The following ING1 variants were observed in gnomAD, a reference collection of about 807,000 sequenced individuals.
ING1 encodes the protein inhibitor of growth protein 1.
A neutral mutation model predicts 23.1 loss-of-function variants in ING1; 4 were observed. The observed-to-expected ratio is 0.17, with a 90% CI of 0.09 to 0.40. The LOEUF is 0.40. Among genes scored for constraint, ING1 ranks in the 10% least tolerant of loss-of-function variants. The probability of loss-of-function intolerance (pLI) is 1.00; values close to 1 mark genes in which losing one functional copy is unlikely to be tolerated. For synonymous variants in ING1, 179 were observed against 166.4 expected, an observed-to-expected ratio of 1.08 and a Z score of -0.58; for missense variants, 256 against 393.8, an observed-to-expected ratio of 0.65 and a Z score of 2.96.
In ING1 at chr13:110,715,447, T is replaced by G. The variant is rs773646405; in HGVS notation, c.136+1162T>G. 1.9e-6 allele frequency: 3 copies of G among 1,586,944 alleles called. No individual in the cohort carries two copies. The Admixed American group carries it at 5.3e-5, about 28-fold the overall frequency. The stretch of plus-strand genomic sequence containing the variant: ...AGCCCCCCAGTAGTTGGCTGTGATG[T>G]CCTTCGTGGAATGTCCTTATCATTC... On this transcript the variant is annotated intron_variant, in intron 1 of 1. Transcript: ENST00000333219.
upstream of ING1, chr13:110,712,920 T>A (rs779707454): frequency 1.3e-6 from 2 of 1,553,640 alleles, no homozygotes; most frequent in Non-Finnish European, 8.7e-7. Context: ...CGGTGACGGA[T>A]GGCGCAGGCG....
At chr13:110,715,612 T>C (rs1396337325) in intron 1 of ING1, 1 of 1,614,072 alleles carries the variant, frequency 6.2e-7, no homozygotes, top group Non-Finnish European at 8.5e-7. Context: ...TTTGAACGTC[T>C]TCGGGTCGCT....
intron 1 of ING1, chr13:110,715,592 G>A (rs2064109407): frequency 6.2e-7 from 1 of 1,613,988 alleles, no homozygotes; most frequent in Non-Finnish European, 8.5e-7. Context: ...GTGGAGGGTG[G>A]ACGAGTTGAT....
At chr13:110,715,500 G>A (rs1443690050) in intron 1 of ING1, 1 of 1,613,516 alleles carries the variant, frequency 6.2e-7, no homozygotes, top group African/African-American at 1.3e-5. Context: ...TCGCTGAGGC[G>A]GATGAAGGCG....
At chr13:110,715,672 T>C (rs752048596) in intron 1 of ING1, 2 of 1,607,516 alleles carry the variant, frequency 1.2e-6, no homozygotes, top group Middle Eastern at 1.7e-4. Flanking sequence ...CGGGCCGTGC[T>C]CTTCCGCCCT....
In ING1 at chr13:110,719,671, G is replaced by A. The variant is rs767411112; in HGVS notation, c.579G>A (p.Lys193=). ...AGAAGAAGAAGCGCTCCAAGGCCAA[G>A]GCGGAGCGAGAGGCGTCCCCTGCCG... The part of the protein sequence containing the change: ...TSKKKKRSKA[K]AEREASPADL... Residue 193 remains lysine (K), a synonymous_variant, in exon 2 of 2, where the codon AAG becomes AAA. Coordinates refer to ENST00000333219, the MANE Select transcript of ING1 (RefSeq NM_198219.3). This position sits in a 1 kb window ranked among gnomAD's most constrained non-coding sequence, Gnocchi z 8.9. The A allele has an allele frequency of 1.2e-6, 2 of 1,613,880 alleles. No homozygotes were observed. Among genetic ancestry groups the A allele is most frequent in the Non-Finnish European group, 1.7e-6 (2 of 1,179,974 alleles).
chr13:110,723,179 G>A lies in ING1; in HGVS notation c.*3247G>A, dbSNP rs1459797841. On this transcript the variant is annotated 3_prime_UTR_variant, in exon 2 of 2. Coordinates refer to ENST00000333219, the MANE Select transcript of ING1 (RefSeq NM_198219.3). ...GGGACAGGCTCCCCAGGTGCTGAGAGAGGTGCTGCAGGAGTCACAGACCTG... is the reference window on the plus strand; with the variant it reads ...GGGACAGGCTCCCCAGGTGCTGAGAAAGGTGCTGCAGGAGTCACAGACCTG... 3 of 152,220 alleles carry A rather than the reference G, an allele frequency of 2.0e-5. No individual in the cohort carries two copies. The highest frequency in any genetic ancestry group is 6.5e-5 in the Admixed American group (1 of 15,282). The allele number at this position is 152,220 out of a possible 1,614,324, so 9.4% of individuals were successfully genotyped here.
rs1359189064 is a variant in ING1, at chr13:110,714,044, C to T, written c.-106C>T. The stretch of plus-strand genomic sequence containing the variant: ...GAAGCAGGAGCCGGCGGGGGGGCGC[C>T]GGGAGAGCGAGGGCTTTGCATTTTG... On this transcript the variant is annotated 5_prime_UTR_variant, in exon 1 of 2. Coordinates refer to ENST00000333219, the MANE Select transcript of ING1 (RefSeq NM_198219.3). The T allele has an allele frequency of 1.2e-5, 15 of 1,236,620 alleles. No individual in the cohort carries two copies. The highest frequency in any genetic ancestry group is 8.4e-5 in the Admixed American group (2 of 23,772). 76.6% of individuals were successfully genotyped at this position (1,236,620 alleles called of 1,614,324 possible).
chr13:110,716,622 G>A (rs1333855517), intron 1 of ING1, among the ~76,000 whole-genome samples: 1 of 151,956 alleles, frequency 6.6e-6, no homozygotes, highest in Non-Finnish European at 1.5e-5. Flanking sequence ...CCACCCCCTG[G>A]GAAGTTCGCT....
upstream of ING1, chr13:110,712,888 G>T: frequency 1.4e-6 from 2 of 1,430,564 alleles, no homozygotes; most frequent in Non-Finnish European, 9.6e-7. Context: ...ACTGAGTACC[G>T]GGAGACGACA....
intron 1 of ING1, among the ~76,000 whole-genome samples, chr13:110,714,796 T>C (rs994610159): frequency 2.0e-5 from 3 of 152,206 alleles, no homozygotes; most frequent in Non-Finnish European, 4.4e-5. Context: ...ATCTGAGTGT[T>C]ACATAAAGTA....
chr13:110,717,132 A>T (rs1445616629), intron 1 of ING1, among the ~76,000 whole-genome samples: 1 of 152,218 alleles, frequency 6.6e-6, no homozygotes, highest in East Asian at 1.9e-4. Flanking sequence ...TTGATTACTG[A>T]TGAAAAGAAG....
upstream of ING1, chr13:110,712,625 G>A (rs963819614): frequency 6.7e-5 from 35 of 519,416 alleles, no homozygotes; most frequent in Admixed American, 8.9e-4. Flanking sequence ...AGCTTTGGGA[G>A]GGTAGAGGGG....
upstream of ING1, chr13:110,712,929 C>G: frequency 6.4e-7 from 1 of 1,556,184 alleles, no homozygotes; most frequent in East Asian, 2.4e-5. Flanking sequence ...ATGGCGCAGG[C>G]GCGGGAGCCG....
At chr13:110,713,589 G>A, upstream of ING1, 1 of 985,718 alleles carries the variant, frequency 1.0e-6, no homozygotes, top group Non-Finnish European at 1.2e-6. Context: ...CTGGGACGGT[G>A]AGGGGCGTGA....
intron 1 of ING1, among the ~76,000 whole-genome samples, chr13:110,718,326 G>C (rs1004666817): frequency 1.3e-5 from 2 of 152,210 alleles, no homozygotes; most frequent in Non-Finnish European, 2.9e-5. Context: ...TGAGGTGGGA[G>C]GGTCCCTTGA....
At position 110,722,968 on chromosome 13, in the gene ING1, C is replaced by T. The variant is rs1395993201; in HGVS notation, c.*3036C>T. 3.3e-5 allele frequency: 5 copies of T among 152,138 alleles called. No individual in the cohort carries two copies. The highest frequency in any genetic ancestry group is 7.3e-5 in the Non-Finnish European group (5 of 68,036). 9.4% of individuals were successfully genotyped at this position (152,138 alleles called of 1,614,324 possible). A position where few individuals can be genotyped will look rare whatever the true frequency, so the allele number is the denominator to read the frequency against. On this transcript the variant is annotated 3_prime_UTR_variant, in exon 2 of 2. Transcript: ENST00000333219. ...TTTTGAAAAATAGATTACTGAAAAG[C>T]GATCTAATATAGAACAGTTGCTTTT...
intron 1 of ING1, chr13:110,715,619 C>G (rs371110132): frequency 1.2e-6 from 2 of 1,613,952 alleles, no homozygotes; most frequent in Admixed American, 1.7e-5. Flanking sequence ...GTCTTCGGGT[C>G]GCTCGGCCTC....
At chr13:110,715,021 G>A (rs940682717) in intron 1 of ING1, 17 of 996,556 alleles carry the variant, frequency 1.7e-5, no homozygotes, top group South Asian at 1.4e-4. Flanking sequence ...CTGCGCTCGG[G>A]GGGGCGCGGG....
Sources: gnomAD v4.1 joint callset for allele counts (sites outside exome capture counted in the v4.1 genomes callset) on GRCh38, gnomAD v4.1.1 for gene constraint, Gnocchi (gnomAD v3.1) non-coding constraint, MANE v1.5 for transcripts, NCBI Gene and HGNC (gene_info 2026-07-23, HGNC 2026-07-21) for gene names.